FZD3: variants seen among roughly 807,000 people sequenced by gnomAD.
FZD3 encodes frizzled-3.
A neutral mutation model predicts 60.7 loss-of-function variants in FZD3; 30 were observed. The observed-to-expected ratio is 0.49, with a 90% CI of 0.37 to 0.67. The LOEUF is 0.67. FZD3 is among the 30% of genes least tolerant of loss of function. The probability of loss-of-function intolerance (pLI) is 0.00; values close to 1 mark genes in which losing one functional copy is unlikely to be tolerated. For synonymous variants in FZD3, 246 were observed against 275.2 expected (o/e 0.89, Z 1.05); for missense variants, 605 against 838.7 (o/e 0.72, Z 3.44).
chr8:28,528,169 G>C lies in FZD3; in HGVS notation c.1404+5G>C. On this transcript the variant is annotated splice_donor_5th_base_variant and intron_variant, in intron 5 of 7. Coordinates refer to ENST00000240093, the MANE Select transcript of FZD3 (RefSeq NM_017412.4). Reference sequence around the variant, plus strand: ...CACATTCCATGTCCATATCAGGTAAGGGAAACCTTGTTACAAATTTCAGAA... The same window carrying C: ...CACATTCCATGTCCATATCAGGTAACGGAAACCTTGTTACAAATTTCAGAA... The C allele has an allele frequency of 6.3e-7, 1 of 1,587,234 alleles. No individual in the cohort carries two copies. The highest frequency in any genetic ancestry group is 8.6e-7 in the Non-Finnish European group (1 of 1,167,372).
At chr8:28,498,924 T>G (rs1216432999) in intron 1 of FZD3, among the ~76,000 whole-genome samples, 1 of 152,256 alleles carries the variant, frequency 6.6e-6, no homozygotes, top group Non-Finnish European at 1.5e-5. Flanking sequence ...TGATTGGTTA[T>G]CTGATTTTTT....
intron 3 of FZD3, among the ~76,000 whole-genome samples, chr8:28,511,450 ACTC>A (rs962604227): frequency 6.6e-6 from 1 of 152,110 alleles, no homozygotes; most frequent in African/African-American, 2.4e-5. Context: ...GCGCCTCTGT[ACTC>A]CATCCAGTCT....
chr8:28,518,411 A>G (rs917293558), intron 3 of FZD3, among the ~76,000 whole-genome samples: 2 of 152,034 alleles, frequency 1.3e-5, no homozygotes, highest in Admixed American at 6.5e-5. Context: ...CTGCGTTGCA[A>G]TGTTGGTAGG....
At chr8:28,550,437 G>GTTT (rs1554539571) in intron 5 of FZD3, among the ~76,000 whole-genome samples, 966 of 79,520 alleles carry the variant, frequency 0.012, 12 homozygotes, top group African/African-American at 0.039. Flanking sequence ...TAGTTCTGCT[G>GTTT]TTTTTTTTTT....
At chr8:28,510,239 T>C (rs978063798) in intron 3 of FZD3, among the ~76,000 whole-genome samples, 2 of 152,212 alleles carry the variant, frequency 1.3e-5, no homozygotes, top group Non-Finnish European at 2.9e-5. Flanking sequence ...CAATGTCTGT[T>C]GATGGACACA....
At chr8:28,535,112 C>G (rs1804975526) in intron 5 of FZD3, among the ~76,000 whole-genome samples, 1 of 151,908 alleles carries the variant, frequency 6.6e-6, no homozygotes, top group South Asian at 2.1e-4. Context: ...TTCAAAATAC[C>G]AATTGGGTTT....
rs560144336 is a variant in FZD3 at position 28,506,911 on chromosome 8, A to G, written c.189+3709A>G. On this transcript the variant is annotated intron_variant, in intron 3 of 7. Coordinates refer to ENST00000240093, the MANE Select transcript of FZD3 (RefSeq NM_017412.4). ...AAATAGAATAATATAATGAAGTGCC[A>G]TGTATCCAGCATCCAGCCTTAAACA... 3.9e-5 allele frequency among the ~76,000 whole-genome samples: 6 copies of G among 152,320 alleles called. No homozygotes were observed. In the South Asian group the frequency reaches 1.2e-3, roughly 32 times the overall value.
In FZD3 at chr8:28,564,371, A is replaced by G. The variant is rs779768327; in HGVS notation, c.*1360A>G. 5 of 151,478 alleles carry G rather than the reference A, an allele frequency of 3.3e-5. No homozygotes were observed. Among genetic ancestry groups the G allele is most frequent in the Non-Finnish European group, 5.9e-5 (4 of 67,902 alleles). The allele number at this position is 151,478 out of a possible 1,614,324, so 9.4% of individuals were successfully genotyped here. On this transcript the variant is annotated 3_prime_UTR_variant, in exon 8 of 8. Coordinates refer to ENST00000240093, the MANE Select transcript of FZD3 (RefSeq NM_017412.4). Reference sequence around the variant, plus strand: ...CAAGGGTCCTCAACCCTGACTGCAGATAAGAATCACTTGGGTTACTTCAGA... The same window carrying G: ...CAAGGGTCCTCAACCCTGACTGCAGGTAAGAATCACTTGGGTTACTTCAGA...
chr8:28,506,782 G>A (rs561228579), intron 3 of FZD3, among the ~76,000 whole-genome samples: 1 of 152,100 alleles, frequency 6.6e-6, no homozygotes, highest in Non-Finnish European at 1.5e-5. Context: ...TATCTTTTAT[G>A]GTTCATTAAG....
At chr8:28,511,188 C>A (rs1291722313) in intron 3 of FZD3, among the ~76,000 whole-genome samples, 7 of 151,254 alleles carry the variant, frequency 4.6e-5, no homozygotes, top group African/African-American at 9.7e-5. Flanking sequence ...CCCATCTCTA[C>A]TAAAAATACA....
In FZD3 at chr8:28,571,044, GA is replaced by G. The variant is rs1805799870; in HGVS notation, c.*8037del. 1 of 134,028 alleles carries G rather than the reference GA, an allele frequency of 7.5e-6. No homozygotes were observed. Among genetic ancestry groups the G allele is most frequent in the African/African-American group, 2.7e-5 (1 of 37,028 alleles). The allele number at this position is 134,028 out of a possible 1,614,324, so 8.3% of individuals were successfully genotyped here. On this transcript the variant is annotated 3_prime_UTR_variant, in exon 8 of 8. Transcript: ENST00000240093. ...TTGCCTACCAAAAAAAAAAAAAAAA[GA>G]AAAGGTTTGTTTTTAGTTCTCTGCC...
At chr8:28,498,044 A>G (rs1454120699) in intron 1 of FZD3, among the ~76,000 whole-genome samples, 8 of 152,250 alleles carry the variant, frequency 5.3e-5, no homozygotes. Context: ...ATACATTCAT[A>G]AAAATAGAAA....
chr8:28,540,943 CAATA>C (rs1401961522), intron 5 of FZD3, among the ~76,000 whole-genome samples: 4 of 152,148 alleles, frequency 2.6e-5, no homozygotes, highest in Non-Finnish European at 5.9e-5. Context: ...GAGCCCCTTT[CAATA>C]AATAAATAAA....
chr8:28,562,438 C>A (rs1177194632), intron 7 of FZD3, among the ~76,000 whole-genome samples: 1 of 152,114 alleles, frequency 6.6e-6, no homozygotes, highest in African/African-American at 2.4e-5. Flanking sequence ...GGGGCAATGC[C>A]ACATTTCTTC....
chr8:28,549,610 T>G (rs1242504027), intron 5 of FZD3, among the ~76,000 whole-genome samples: 2 of 152,056 alleles, frequency 1.3e-5, no homozygotes, highest in Non-Finnish European at 2.9e-5. Flanking sequence ...AAACTAAGAG[T>G]GGTGGCAGTA....
intron 7 of FZD3, among the ~76,000 whole-genome samples, chr8:28,558,712 A>G (rs926109743): frequency 6.6e-6 from 1 of 152,192 alleles, no homozygotes; most frequent in Non-Finnish European, 1.5e-5. Flanking sequence ...GACTGCGGGC[A>G]TGAGCCACTG....
At chr8:28,531,008 C>G (rs1189240218) in intron 5 of FZD3, among the ~76,000 whole-genome samples, 5 of 152,054 alleles carry the variant, frequency 3.3e-5, no homozygotes, top group African/African-American at 4.8e-5. Context: ...TCCATGTACT[C>G]ACAACCCAAC....
rs926754476 is a variant in FZD3 at position 28,568,779 on chromosome 8, A to C, written c.*5768A>C. ...TACTTCCTATAAGACACAGTAGTTCAATCTGTTGAAAGGCATTGAAGGATA... is the reference window on the plus strand; with the variant it reads ...TACTTCCTATAAGACACAGTAGTTCCATCTGTTGAAAGGCATTGAAGGATA... On this transcript the variant is annotated 3_prime_UTR_variant, in exon 8 of 8. Coordinates refer to ENST00000240093, the MANE Select transcript of FZD3 (RefSeq NM_017412.4). 1.3e-5 allele frequency: 2 copies of C among 152,158 alleles called. No homozygotes were observed. The highest frequency in any genetic ancestry group is 4.8e-5 in the African/African-American group (2 of 41,458). 9.4% of individuals were successfully genotyped at this position (152,158 alleles called of 1,614,324 possible).
intron 2 of FZD3, among the ~76,000 whole-genome samples, chr8:28,501,462 A>AT (rs1303811261): frequency 6.6e-6 from 1 of 152,206 alleles, no homozygotes; most frequent in African/African-American, 2.4e-5. Context: ...AAGTTGTCCT[A>AT]TTAGTCTGGG....
Sources: allele counts gnomAD v4.1 joint callset (sites outside exome capture counted in the v4.1 genomes callset), GRCh38; gene constraint gnomAD v4.1.1; transcripts MANE v1.5; gene names NCBI Gene and HGNC (gene_info 2026-07-23, HGNC 2026-07-21).